Variants in TNS1 observed in about 807,000 individuals in gnomAD.
The protein encoded by TNS1 is tensin-1.
Under a neutral mutation model 168.6 loss-of-function variants are expected in TNS1, and 62 were observed. The ratio of observed to expected loss-of-function variants is 0.37; its 90% confidence interval spans 0.30 to 0.45. The LOEUF (loss-of-function observed/expected upper bound fraction) is 0.45. TNS1 is among the 20% of genes least tolerant of loss of function. TNS1 has a pLI of 1.00. For synonymous variants in TNS1, 934 were observed against 933.2 expected (o/e 1.00, Z -0.02); for missense variants, 2,240 against 2,339.4 (o/e 0.96, Z 0.88).
At chr2:217,917,965 G>C (rs112067359) in intron 4 of TNS1, among the ~76,000 whole-genome samples, 1,686 of 152,150 alleles carry the variant, frequency 0.011, 20 homozygotes, top group Non-Finnish European at 0.014. Context: ...CAGCAGGAAG[G>C]CCGGGCGGCT....
chr2:217,816,707 A>G (rs763320974), intron 24 of TNS1, among the ~76,000 whole-genome samples: 2 of 152,124 alleles, frequency 1.3e-5, no homozygotes, highest in Non-Finnish European at 2.9e-5. Flanking sequence ...CCCAGCTACT[A>G]GAAGTTTTGC....
intron 18 of TNS1, among the ~76,000 whole-genome samples, chr2:217,878,620 C>G (rs999175638): frequency 5.3e-5 from 8 of 152,198 alleles, no homozygotes; most frequent in African/African-American, 1.9e-4. Context: ...GACACACTGG[C>G]CACAGCTGAC....
intron 6 of TNS1, among the ~76,000 whole-genome samples, chr2:217,902,491 AG>A (rs1262196825): frequency 6.6e-6 from 1 of 152,122 alleles, no homozygotes; most frequent in East Asian, 1.9e-4. Flanking sequence ...TGGGGAACCA[AG>A]GGGGGCCGGG....
chr2:217,905,450 G>C (rs776754366), intron 6 of TNS1: 4 of 399,908 alleles, frequency 1.0e-5, no homozygotes, highest in South Asian at 7.2e-5. Flanking sequence ...CACCATGGGA[G>C]TCAGGCTGCC....
intron 3 of TNS1, among the ~76,000 whole-genome samples, chr2:217,967,218 G>A (rs1957667671): frequency 6.6e-6 from 1 of 152,146 alleles, no homozygotes; most frequent in South Asian, 2.1e-4. Flanking sequence ...CTACTTGGGA[G>A]GCTGAGACAG....
At chr2:217,868,100 C>G (rs1949443116) in intron 18 of TNS1, among the ~76,000 whole-genome samples, 1 of 152,254 alleles carries the variant, frequency 6.6e-6, no homozygotes, top group African/African-American at 2.4e-5. Flanking sequence ...AGTAAGCACT[C>G]AGTAAAGACC....
chr2:217,927,508 G>A (rs996639808), intron 3 of TNS1, among the ~76,000 whole-genome samples: 6 of 152,202 alleles, frequency 3.9e-5, no homozygotes, highest in African/African-American at 1.4e-4. Context: ...AGATGTCCAG[G>A]AGTAGGGTCT....
At chr2:217,974,918 T>G (rs1957857435) in intron 3 of TNS1, among the ~76,000 whole-genome samples, 1 of 152,206 alleles carries the variant, frequency 6.6e-6, no homozygotes, top group Non-Finnish European at 1.5e-5. Context: ...CCTCATGGTA[T>G]TCAAGCCCTT....
chr2:218,029,586 G>A (rs1213070304), intron 1 of TNS1, among the ~76,000 whole-genome samples: 4 of 152,298 alleles, frequency 2.6e-5, no homozygotes, highest in African/African-American at 9.6e-5. Flanking sequence ...GAGAAGGAAC[G>A]CTCAAGACCA....
upstream of TNS1, among the ~76,000 whole-genome samples, chr2:218,004,966 C>T (rs1477594017): frequency 1.3e-5 from 2 of 152,356 alleles, no homozygotes; most frequent in East Asian, 3.9e-4. Context: ...CCTCCCGTCT[C>T]CCCTGGCTGG....
intron 18 of TNS1, among the ~76,000 whole-genome samples, chr2:217,858,221 AACCCAGATACCCT>A: frequency 6.6e-6 from 1 of 151,714 alleles, no homozygotes; most frequent in Non-Finnish European, 1.5e-5. Context: ...CCCCCCCACC[AACCCAGATACCCT>A]CGCCCTGAAA....
At chr2:217,975,379 T>C (rs1051913570) in intron 3 of TNS1, among the ~76,000 whole-genome samples, 10 of 152,306 alleles carry the variant, frequency 6.6e-5, no homozygotes, top group Non-Finnish European at 1.3e-4. Context: ...TTTAAGCTAC[T>C]AAATCTGGGG....
intron 3 of TNS1, among the ~76,000 whole-genome samples, chr2:217,960,432 T>A (rs935015310): frequency 1.3e-5 from 2 of 152,132 alleles, no homozygotes; most frequent in East Asian, 1.9e-4. Context: ...AGTCTCAGCC[T>A]CTTGGGAACA....
chr2:217,807,048 C>G (rs563408454), intron 32 of TNS1, among the ~76,000 whole-genome samples: 2 of 152,354 alleles, frequency 1.3e-5, no homozygotes, highest in Admixed American at 1.3e-4. Context: ...CAGACGTAAG[C>G]TGAACTCTCT....
intron 23 of TNS1, among the ~76,000 whole-genome samples, chr2:217,819,091 G>A (rs1344191669): frequency 3.3e-5 from 5 of 152,312 alleles, no homozygotes; most frequent in East Asian, 1.9e-4. Context: ...CTCTCCTATC[G>A]AAACTGGAGG....
intron 18 of TNS1, chr2:217,859,371 T>G (rs1389111474): frequency 2.1e-5 from 9 of 425,828 alleles, no homozygotes; most frequent in Non-Finnish European, 3.7e-5. Flanking sequence ...TCTCCCCCTT[T>G]CCCCTCCACA....
rs551583380 is a variant in TNS1 at position 217,818,773 on chromosome 2, G to A, written c.3573-14C>T. 2.1e-5 allele frequency: 34 copies of A among 1,593,510 alleles called. No individual in the cohort carries two copies. Among genetic ancestry groups the A allele is most frequent in the Non-Finnish European group, 2.9e-5 (34 of 1,168,472 alleles). On this transcript the variant is annotated splice_polypyrimidine_tract_variant and intron_variant, in intron 23 of 32. Coordinates refer to ENST00000682258, the MANE Select transcript of TNS1 (RefSeq NM_001387777.1). The stretch of plus-strand genomic sequence containing the variant: ...CCCACTGAAGTGCTGCAGAGAGATG[G>A]CAGGTTGCGATGTCAGTGGACAGAA...
intron 3 of TNS1, among the ~76,000 whole-genome samples, chr2:217,936,751 C>T (rs6735169): frequency 0.016 from 2,493 of 152,248 alleles, 75 homozygotes; most frequent in African/African-American, 0.057. Context: ...AGGCTCTCCC[C>T]AAAGCCATCC....
chr2:217,806,365 G>A (rs1482165260), intron 32 of TNS1, among the ~76,000 whole-genome samples: 3 of 152,252 alleles, frequency 2.0e-5, no homozygotes, highest in South Asian at 2.1e-4. Context: ...GCCTCACCTC[G>A]TCCCTGTCAT....
Sources: allele counts gnomAD v4.1 joint callset (sites outside exome capture counted in the v4.1 genomes callset), GRCh38; gene constraint gnomAD v4.1.1; transcripts MANE v1.5; gene names NCBI Gene and HGNC (gene_info 2026-07-23, HGNC 2026-07-21).